PLXNA4: variants seen among roughly 807,000 people sequenced by gnomAD.
PLXNA4 encodes the protein plexin-A4.
PLXNA4 carries 44 observed loss-of-function variants against 191.8 expected under a neutral mutation model. That is an observed-to-expected ratio of 0.23 (90% confidence interval 0.18 to 0.29). PLXNA4 has a LOEUF of 0.29. Ranked by LOEUF, PLXNA4 falls within the 10% of genes least tolerant of loss-of-function variation. The pLI is 1.00. For missense variants in PLXNA4, 1,800 were observed against 2,488.8 expected (o/e 0.72, Z 5.89); for synonymous variants, 1,082 against 1,009.5 (o/e 1.07, Z -1.36).
chr7:132,346,150 G>A (rs1350840707), intron 3 of PLXNA4, among the ~76,000 whole-genome samples: 1 of 152,184 alleles, frequency 6.6e-6, no homozygotes. Flanking sequence ...ACCACTGCTT[G>A]CTATCTGTGT....
chr7:132,206,437 G>GGTGTGTGTGTGT (rs61032250), intron 10 of PLXNA4, among the ~76,000 whole-genome samples: 83 of 148,440 alleles, frequency 5.6e-4, no homozygotes, highest in East Asian at 2.0e-3. Flanking sequence ...TATGTTTTCT[G>GGTGTGTGTGTGT]GTGTGTGTGT....
chr7:132,317,637 T>C (rs1801998256), intron 3 of PLXNA4, among the ~76,000 whole-genome samples: 1 of 152,224 alleles, frequency 6.6e-6, no homozygotes. Context: ...TTCACTAGCA[T>C]AGGATCCAAA....
intron 1 of PLXNA4, among the ~76,000 whole-genome samples, chr7:132,552,423 A>G (rs575259016): frequency 7.7e-4 from 117 of 152,288 alleles, no homozygotes; most frequent in African/African-American, 2.6e-3. Flanking sequence ...TCTGGTTCAC[A>G]AGCAGTAGCT....
At chr7:132,135,660 G>C (rs1040664344) in intron 30 of PLXNA4, among the ~76,000 whole-genome samples, 1 of 152,218 alleles carries the variant, frequency 6.6e-6, no homozygotes, top group Non-Finnish European at 1.5e-5. Flanking sequence ...ATATCTAGAA[G>C]TATATATGTG....
chr7:132,333,596 G>A (rs1280799686), intron 3 of PLXNA4, among the ~76,000 whole-genome samples: 2 of 152,166 alleles, frequency 1.3e-5, no homozygotes, highest in South Asian at 2.1e-4. Context: ...GGAGGGACAC[G>A]GCCACTGTGG....
At chr7:132,157,628 T>C (rs1795835143) in intron 25 of PLXNA4, among the ~76,000 whole-genome samples, 1 of 152,200 alleles carries the variant, frequency 6.6e-6, no homozygotes, top group Admixed American at 6.5e-5. Context: ...AGCCTGCTCC[T>C]ATCACAGCTC....
chr7:132,460,372 GAA>G (rs371685741), intron 3 of PLXNA4, among the ~76,000 whole-genome samples: 2 of 122,500 alleles, frequency 1.6e-5, no homozygotes, highest in African/African-American at 6.0e-5. Flanking sequence ...CTCAAAAAAA[GAA>G]AAAAAAAAAA....
chr7:132,315,513 A>T (rs1375931825), intron 3 of PLXNA4, among the ~76,000 whole-genome samples: 1 of 152,232 alleles, frequency 6.6e-6, no homozygotes, highest in African/African-American at 2.4e-5. Flanking sequence ...GTATCTATGA[A>T]CAAACTAAGA....
chr7:132,156,169 C>CAG (rs1795790075), intron 25 of PLXNA4, among the ~76,000 whole-genome samples: 3 of 151,648 alleles, frequency 2.0e-5, no homozygotes, highest in Non-Finnish European at 4.4e-5. Context: ...CACACACACA[C>CAG]ACACACACAC....
At chr7:132,323,665 C>T (rs1394714610) in intron 3 of PLXNA4, among the ~76,000 whole-genome samples, 1 of 152,150 alleles carries the variant, frequency 6.6e-6, no homozygotes, top group Non-Finnish European at 1.5e-5. Flanking sequence ...ACTTCCAGGC[C>T]ACTATAATGT....
At chr7:132,224,984 T>A (rs1798267419) in intron 8 of PLXNA4, among the ~76,000 whole-genome samples, 1 of 152,212 alleles carries the variant, frequency 6.6e-6, no homozygotes, top group African/African-American at 2.4e-5. Flanking sequence ...TCTGTGGAAC[T>A]CTGGGGATCC....
rs1460378219 is a variant in PLXNA4, at chr7:132,403,338, T to C, written c.1371+85954A>G. Among the ~76,000 whole-genome samples the C allele has an allele frequency of 2.6e-5, 4 of 152,290 alleles. No individual in the cohort carries two copies. In the South Asian group the frequency reaches 8.3e-4, roughly 32 times the overall value. On this transcript the variant is annotated intron_variant, in intron 3 of 31. Coordinates refer to ENST00000321063, the MANE Select transcript of PLXNA4 (RefSeq NM_020911.2). The stretch of plus-strand genomic sequence containing the variant: ...TCCCATTTTCATCCAAATGTGAAAG[T>C]TGAAAAAGAGAAGTCAGGCAAGGGA...
chr7:132,147,433 T>C (rs936869786), intron 27 of PLXNA4, among the ~76,000 whole-genome samples: 2 of 152,210 alleles, frequency 1.3e-5, no homozygotes, highest in African/African-American at 4.8e-5. Context: ...GGGCTTCTTC[T>C]GGCTTCTACC....
At chr7:132,511,205 C>A (rs1798700887) in intron 1 of PLXNA4, among the ~76,000 whole-genome samples, 1 of 152,210 alleles carries the variant, frequency 6.6e-6, no homozygotes, top group Non-Finnish European at 1.5e-5. Context: ...GTATTTACTG[C>A]ACCCCAGAGC....
chr7:132,132,458 TTCTGTTCTGC>T (rs1385388681), intron 31 of PLXNA4, among the ~76,000 whole-genome samples: 684 of 55,330 alleles, frequency 0.012, 3 homozygotes, highest in South Asian at 0.022. Flanking sequence ...TTCTGTTCTG[TTCTGTTCTGC>T]TCTGCTCTGC....
At chr7:132,437,256 C>T (rs1380451614) in intron 3 of PLXNA4, among the ~76,000 whole-genome samples, 1 of 152,228 alleles carries the variant, frequency 6.6e-6, no homozygotes, top group Non-Finnish European at 1.5e-5. Flanking sequence ...ATAGTCAGAA[C>T]ATGGCGCATA....
intron 3 of PLXNA4, among the ~76,000 whole-genome samples, chr7:132,477,776 T>C (rs1797188629): frequency 6.6e-6 from 1 of 152,210 alleles, no homozygotes; most frequent in Non-Finnish European, 1.5e-5. Flanking sequence ...AACTGTATTT[T>C]CTATGTGAAG....
intron 3 of PLXNA4, among the ~76,000 whole-genome samples, chr7:132,311,193 T>TGTGTGTGTGTGTGTGTGTGTGTGCGC (rs71178034): frequency 1.0e-4 from 9 of 89,828 alleles, no homozygotes; most frequent in Admixed American, 4.2e-4. Flanking sequence ...TGTGTGTGTG[T>TGTGTGTGTGTGTGTGTGTGTGTGCGC]GCGCGTGTGG....
intron 3 of PLXNA4, among the ~76,000 whole-genome samples, chr7:132,405,006 A>G (rs1794153510): frequency 6.6e-6 from 1 of 152,064 alleles, no homozygotes; most frequent in Admixed American, 6.5e-5. Context: ...TTAAAATAAC[A>G]TCAAGGGGAT....
Sources: allele counts gnomAD v4.1 joint callset (sites outside exome capture counted in the v4.1 genomes callset), GRCh38; gene constraint gnomAD v4.1.1; transcripts MANE v1.5; gene names NCBI Gene and HGNC (gene_info 2026-07-23, HGNC 2026-07-21).